Variants in DAGLA observed in about 807,000 individuals in gnomAD.
The protein encoded by DAGLA is diacylglycerol lipase-alpha.
A neutral mutation model predicts 102.6 loss-of-function variants in DAGLA; 22 were observed. The observed-to-expected ratio is 0.21, with a 90% CI of 0.15 to 0.31. The LOEUF is 0.31. DAGLA is among the 10% of genes least tolerant of loss of function. The pLI is 1.00. For missense variants in DAGLA, 927 were observed against 1,446.6 expected (o/e 0.64, Z 5.83); for synonymous variants, 578 against 628.9 (o/e 0.92, Z 1.21).
intron 1 of DAGLA, among the ~76,000 whole-genome samples, chr11:61,701,795 GA>G (rs1287281917): frequency 1.3e-5 from 2 of 152,126 alleles, no homozygotes; most frequent in East Asian, 3.9e-4. Flanking sequence ...TGTTTTTAGA[GA>G]CAGGGTTTTG....
rs2065507758 is a variant in DAGLA, at chr11:61,743,862, G to C, written c.2502G>C (p.Leu834=). Residue 834 remains leucine, a synonymous_variant, in exon 20 of 20, where the codon CTG becomes CTC. Transcript: ENST00000257215. The part of the protein sequence containing the change: ...DPAIPEENPS[L]SSRTELLAAD... Reference sequence around the variant, plus strand: ...CCATCCCCGAGGAAAACCCATCCCTGAGCTCGCGCACTGAGCTGCTGGCGG... The same window carrying C: ...CCATCCCCGAGGAAAACCCATCCCTCAGCTCGCGCACTGAGCTGCTGGCGG... 6.2e-7 allele frequency: 1 copy of C among 1,612,398 alleles called. No homozygotes were observed. Among genetic ancestry groups the C allele is most frequent in the African/African-American group, 1.3e-5 (1 of 74,926 alleles).
chr11:61,691,676 G>A (rs2065026034), intron 1 of DAGLA, among the ~76,000 whole-genome samples: 2 of 152,230 alleles, frequency 1.3e-5, no homozygotes, highest in African/African-American at 4.8e-5. Context: ...TGACCTCCTC[G>A]AGTCTCCATA....
rs748462098 is a variant in DAGLA, at chr11:61,743,835, T to A, written c.2475T>A (p.Pro825=). Residue 825 remains proline, a synonymous_variant, in exon 20 of 20, where the codon CCT becomes CCA. Transcript: ENST00000257215. ...AAGGCCACCTCTTCTACATTGACCC[T>A]GCCATCCCCGAGGAAAACCCATCCC... The part of the protein sequence containing the change: ...RDEGHLFYID[P]AIPEENPSLS... The A allele has an allele frequency of 6.2e-7, 1 of 1,612,534 alleles. No homozygotes were observed. Among genetic ancestry groups the A allele is most frequent in the South Asian group, 1.1e-5 (1 of 91,086 alleles).
At chr11:61,690,828 G>T (rs1033673937) in intron 1 of DAGLA, among the ~76,000 whole-genome samples, 1 of 152,180 alleles carries the variant, frequency 6.6e-6, no homozygotes, top group African/African-American at 2.4e-5. Context: ...TCCTCTTGCT[G>T]CGAAGGCCAG....
chr11:61,719,229 G>C (rs2135579655), intron 1 of DAGLA, among the ~76,000 whole-genome samples: 1 of 152,346 alleles, frequency 6.6e-6, no homozygotes, highest in Middle Eastern at 3.4e-3. Context: ...CTTGCTTGGG[G>C]CTGATTTGAA....
At chr11:61,736,707 G>C (rs757478625) in intron 13 of DAGLA, among the ~76,000 whole-genome samples, 1 of 152,318 alleles carries the variant, frequency 6.6e-6, no homozygotes, top group South Asian at 2.1e-4. Flanking sequence ...CTCTACCTAG[G>C]GGGGAACTGA....
At chr11:61,723,180 CGA>C (rs2065298490) in intron 4 of DAGLA, among the ~76,000 whole-genome samples, 1 of 152,120 alleles carries the variant, frequency 6.6e-6, no homozygotes. Flanking sequence ...CAGGTCAAGC[CGA>C]GGCTCCTCAG....
At chr11:61,732,883 G>A (rs1199556186) in intron 9 of DAGLA, among the ~76,000 whole-genome samples, 1 of 152,154 alleles carries the variant, frequency 6.6e-6, no homozygotes, top group African/African-American at 2.4e-5. Context: ...CCCATGCAGA[G>A]CACAGCGAGC....
chr11:61,732,330 C>A (rs1407381927), intron 9 of DAGLA, among the ~76,000 whole-genome samples: 1 of 152,212 alleles, frequency 6.6e-6, no homozygotes, highest in African/African-American at 2.4e-5. Context: ...TTCTCACCAT[C>A]CCTCCAGCGA....
rs1486169026 is a variant in DAGLA at position 61,735,895 on chromosome 11, G to C, written c.1290+79G>C. The C allele has an allele frequency of 3.0e-6, 4 of 1,347,444 alleles. No homozygotes were observed. In the East Asian group the frequency reaches 1.0e-4, roughly 34 times the overall value. 83.5% of individuals were successfully genotyped at this position (1,347,444 alleles called of 1,614,324 possible). On this transcript the variant is annotated intron_variant, in intron 12 of 19. Coordinates refer to ENST00000257215, the MANE Select transcript of DAGLA (RefSeq NM_006133.3). ...TGTGCAGAGGCGTGTATGGTTGGGGGTTCCTCCCTGCTCGCTGGGCTCACT... is the reference window on the plus strand; with the variant it reads ...TGTGCAGAGGCGTGTATGGTTGGGGCTTCCTCCCTGCTCGCTGGGCTCACT...
At chr11:61,741,757 G>T (rs34625218) in intron 19 of DAGLA, among the ~76,000 whole-genome samples, 1 of 151,804 alleles carries the variant, frequency 6.6e-6, no homozygotes, top group Non-Finnish European at 1.5e-5. Context: ...GATTACAGGC[G>T]CCTGCCACCG....
chr11:61,689,336 C>T (rs1227499196), intron 1 of DAGLA, among the ~76,000 whole-genome samples: 1 of 152,238 alleles, frequency 6.6e-6, no homozygotes, highest in Admixed American at 6.5e-5. Context: ...TTCACCCACT[C>T]GAGTCTGCCT....
At chr11:61,743,509 C>G (rs375841063) in intron 19 of DAGLA, 23 bp from the exon 20 acceptor site, 16 of 1,499,282 alleles carry the variant, frequency 1.1e-5, no homozygotes, top group Admixed American at 4.5e-5. Flanking sequence ...TCTTATACCC[C>G]CTGCTCTCCT....
intron 1 of DAGLA, among the ~76,000 whole-genome samples, chr11:61,685,691 G>A (rs2064981193): frequency 1.3e-5 from 2 of 152,086 alleles, no homozygotes; most frequent in South Asian, 4.2e-4. Context: ...TCAAAGGAGG[G>A]AGAGTGACTC....
chr11:61,732,759 G>A (rs2065386582), intron 9 of DAGLA, among the ~76,000 whole-genome samples: 1 of 152,188 alleles, frequency 6.6e-6, no homozygotes, highest in African/African-American at 2.4e-5. Flanking sequence ...AGCCCAGGGT[G>A]TTGGGAGGAG....
chr11:61,735,778 C>T lies in DAGLA; in HGVS notation c.1252C>T (p.Pro418Ser). Reference sequence around the variant, plus strand: ...CCTGACGGGTGATGCTGAGCGCCTCCCCGTGGAGGGGCACCACGGCACCTG... The same window carrying T: ...CCTGACGGGTGATGCTGAGCGCCTCTCCGTGGAGGGGCACCACGGCACCTG... ...TDLTGDAERLPVEGHHGTWLG... is the reference protein window; with the variant it reads ...TDLTGDAERLSVEGHHGTWLG... Residue 418 changes from proline (P) to serine (S), a missense_variant, in exon 12 of 20, where the codon CCC becomes TCC. Physicochemically the swap from Pro to Ser is moderately conservative, Grantham distance 74. Around this residue, in one of 4 missense-constraint regions of DAGLA, gnomAD observed 218 missense variants for 459.6 expected, o/e 0.47. Coordinates refer to ENST00000257215, the MANE Select transcript of DAGLA (RefSeq NM_006133.3). 6.2e-7 allele frequency: 1 copy of T among 1,613,176 alleles called. No individual in the cohort carries two copies. Among genetic ancestry groups the T allele is most frequent in the South Asian group, 1.1e-5 (1 of 90,872 alleles).
At chr11:61,704,936 A>T (rs2065137304) in intron 1 of DAGLA, among the ~76,000 whole-genome samples, 1 of 152,052 alleles carries the variant, frequency 6.6e-6, no homozygotes, top group African/African-American at 2.4e-5. Flanking sequence ...CAGCGGTGGG[A>T]GCAGAGCCCA....
chr11:61,744,300 C>T lies in DAGLA; in HGVS notation c.2940C>T (p.Ala980=), dbSNP rs765739397. 5.6e-6 allele frequency: 9 copies of T among 1,612,686 alleles called. No homozygotes were observed. Among genetic ancestry groups the T allele is most frequent in the Middle Eastern group, 1.6e-4 (1 of 6,084 alleles). Residue 980 remains alanine, a synonymous_variant, in exon 20 of 20, where the codon GCC becomes GCT. Coordinates refer to ENST00000257215, the MANE Select transcript of DAGLA (RefSeq NM_006133.3). The part of the protein sequence containing the change: ...PKPPRLFAGS[A]DPSSGISLSP... Reference sequence around the variant, plus strand: ...CCCCACGGCTCTTTGCCGGCTCAGCCGACCCCTCCTCGGGCATCTCACTCT... The same window carrying T: ...CCCCACGGCTCTTTGCCGGCTCAGCTGACCCCTCCTCGGGCATCTCACTCT...
At chr11:61,740,613 G>A in intron 18 of DAGLA, 21 bp downstream of exon 18, 1 of 1,611,084 alleles carries the variant, frequency 6.2e-7, no homozygotes, top group Non-Finnish European at 8.5e-7. Context: ...TCCCGGCAGG[G>A]TACCACCAGG....
Sources: gnomAD v4.1 joint callset for allele counts (sites outside exome capture counted in the v4.1 genomes callset) on GRCh38, gnomAD v4.1.1 for gene constraint, gnomAD v4.1.1 regional missense constraint, MANE v1.5 for transcripts, NCBI Gene and HGNC (gene_info 2026-07-23, HGNC 2026-07-21) for gene names.